KIAA1549L: variants seen among roughly 807,000 people sequenced by gnomAD.
KIAA1549L encodes the protein KIAA1549 like.
KIAA1549L carries 88 observed loss-of-function variants against 160.7 expected under a neutral mutation model. That is an observed-to-expected ratio of 0.55 (90% CI 0.46 to 0.65). The LOEUF (loss-of-function observed/expected upper bound fraction) is 0.65. KIAA1549L is among the 30% of genes least tolerant of loss of function. The pLI, the probability that KIAA1549L is intolerant of heterozygous loss-of-function variation, is 0.00. For missense variants in KIAA1549L, 2,258 were observed against 2,437.5 expected (o/e 0.93, Z 1.55); for synonymous variants, 950 against 976.7 (o/e 0.97, Z 0.51).
intron 1 of KIAA1549L, among the ~76,000 whole-genome samples, chr11:33,461,788 A>G (rs1851947413): frequency 6.6e-6 from 1 of 152,196 alleles, no homozygotes; most frequent in Non-Finnish European, 1.5e-5. Context: ...GTATATCATT[A>G]TGCTCCTTAT....
intron 12 of KIAA1549L, among the ~76,000 whole-genome samples, chr11:33,596,260 A>G (rs575662272): frequency 5.1e-4 from 78 of 152,280 alleles, no homozygotes; most frequent in African/African-American, 1.8e-3. Context: ...ATCTCACTCT[A>G]TTTTTGAACG....
chr11:33,559,287 G>A lies in KIAA1549L; in HGVS notation c.3856-462G>A, dbSNP rs184086792. ...CTGAGCAGTTGAGCCCTCCTTCAAT[G>A]TAACATTCCAATGCTCTATTTTATA... On this transcript the variant is annotated intron_variant, in intron 6 of 20. Transcript: ENST00000658780. Among the ~76,000 whole-genome samples, 26 of 152,250 alleles carry A rather than the reference G, an allele frequency of 1.7e-4. No homozygotes were observed. In the East Asian group the frequency reaches 4.4e-3, roughly 26 times the overall value.
chr11:33,522,300 T>C (rs1211924536), intron 1 of KIAA1549L, among the ~76,000 whole-genome samples: 1 of 152,230 alleles, frequency 6.6e-6, no homozygotes, highest in Non-Finnish European at 1.5e-5. Context: ...GAAATAGTGA[T>C]ATCATATTAA....
chr11:33,619,362 T>C (rs1850902147), intron 16 of KIAA1549L, among the ~76,000 whole-genome samples: 1 of 152,240 alleles, frequency 6.6e-6, no homozygotes. Context: ...CCTAGGTTTG[T>C]GAACAGTGTT....
chr11:33,439,279 C>T (rs1395922725), intron 1 of KIAA1549L, among the ~76,000 whole-genome samples: 1 of 152,124 alleles, frequency 6.6e-6, no homozygotes, highest in Admixed American at 6.5e-5. Context: ...AAAATTGATA[C>T]ATAATATTTT....
chr11:33,643,188 T>C (rs1281117149), intron 16 of KIAA1549L, among the ~76,000 whole-genome samples: 1 of 152,068 alleles, frequency 6.6e-6, no homozygotes, highest in Non-Finnish European at 1.5e-5. Flanking sequence ...CATTTGGGGA[T>C]CATGGGGTAG....
intron 1 of KIAA1549L, among the ~76,000 whole-genome samples, chr11:33,496,673 C>G (rs1294730129): frequency 6.6e-6 from 1 of 152,166 alleles, no homozygotes; most frequent in Admixed American, 6.5e-5. Flanking sequence ...CAACCCGCTC[C>G]CACCCCACTG....
At chr11:33,641,572 GTATATATATA>G (rs10523183) in intron 16 of KIAA1549L, among the ~76,000 whole-genome samples, 59 of 96,700 alleles carry the variant, frequency 6.1e-4, no homozygotes, top group South Asian at 1.3e-3. Context: ...TAATGGATCT[GTATATATATA>G]TATATATATA....
At chr11:33,547,209 A>G (rs943023549) in intron 3 of KIAA1549L, among the ~76,000 whole-genome samples, 3 of 152,212 alleles carry the variant, frequency 2.0e-5, no homozygotes, top group Non-Finnish European at 2.9e-5. Flanking sequence ...TTCCTATGGA[A>G]ATTTTCCCTG....
intron 1 of KIAA1549L, among the ~76,000 whole-genome samples, chr11:33,428,171 A>G (rs1165677542): frequency 6.6e-6 from 1 of 152,150 alleles, no homozygotes; most frequent in Non-Finnish European, 1.5e-5. Context: ...GTTCTGTTTC[A>G]CTTTTAAAGG....
chr11:33,513,013 T>C lies in KIAA1549L; in HGVS notation c.239-28789T>C, dbSNP rs191114057. On this transcript the variant is annotated intron_variant, in intron 1 of 20. Coordinates refer to ENST00000658780, the MANE Select transcript of KIAA1549L (RefSeq NM_012194.3). ...TAACCTTTGGCGGTGATACCTTAGC[T>C]TGGGTCCTCTCCCTTGATGATGTGG... Among the ~76,000 whole-genome samples the C allele has an allele frequency of 9.2e-5, 14 of 152,212 alleles. No homozygotes were observed. The East Asian group carries it at 2.7e-3, about 29-fold the overall frequency.
chr11:33,546,439 A>G (rs1590330495), intron 3 of KIAA1549L, among the ~76,000 whole-genome samples: 1 of 151,732 alleles, frequency 6.6e-6, no homozygotes, highest in Non-Finnish European at 1.5e-5. Context: ...CCCCCCACCA[A>G]CCCAGCTACA....
intron 1 of KIAA1549L, among the ~76,000 whole-genome samples, chr11:33,495,591 G>T: frequency 6.6e-6 from 1 of 152,288 alleles, no homozygotes; most frequent in Admixed American, 6.5e-5. Flanking sequence ...AAGCATATGC[G>T]TGCATGTGTC....
chr11:33,650,058 C>T (rs1419410479), intron 17 of KIAA1549L, among the ~76,000 whole-genome samples: 1 of 152,110 alleles, frequency 6.6e-6, no homozygotes, highest in Non-Finnish European at 1.5e-5. Flanking sequence ...AGGTCCTCAC[C>T]CGGAAGGAGA....
At chr11:33,647,375 CAAAAAAAAAA>C (rs10578169) in intron 17 of KIAA1549L, among the ~76,000 whole-genome samples, 4 of 115,110 alleles carry the variant, frequency 3.5e-5, no homozygotes, top group Non-Finnish European at 3.7e-5. Flanking sequence ...GACTCTGTCT[CAAAAAAAAAA>C]AAAAAAAAAA....
At chr11:33,517,867 C>T (rs1853384830) in intron 1 of KIAA1549L, among the ~76,000 whole-genome samples, 2 of 151,916 alleles carry the variant, frequency 1.3e-5, no homozygotes, top group Admixed American at 6.6e-5. Flanking sequence ...TGCAGGCAGG[C>T]GCGGTGGCTC....
chr11:33,430,048 T>TTCCTTCCTTCCTCCCC (rs1851202590), intron 1 of KIAA1549L, among the ~76,000 whole-genome samples: 1 of 145,044 alleles, frequency 6.9e-6, no homozygotes, highest in Admixed American at 6.9e-5. Context: ...CCTTCCTTCC[T>TTCCTTCCTTCCTCCCC]CCCTTCCCTC....
chr11:33,523,188 A>G (rs1415862601), intron 1 of KIAA1549L, among the ~76,000 whole-genome samples: 1 of 152,240 alleles, frequency 6.6e-6, no homozygotes. Context: ...GAATTCCCTC[A>G]AAGTGTTCTT....
chr11:33,393,046 A>C (rs1283141859), intron 1 of KIAA1549L, among the ~76,000 whole-genome samples: 2 of 152,170 alleles, frequency 1.3e-5, no homozygotes. Context: ...ATTCTTATAA[A>C]ATATAAATCG....
Sources: gnomAD v4.1 joint callset for allele counts (sites outside exome capture counted in the v4.1 genomes callset) on GRCh38, gnomAD v4.1.1 for gene constraint, MANE v1.5 for transcripts, NCBI Gene and HGNC (gene_info 2026-07-23, HGNC 2026-07-21) for gene names.